Variants in EVL observed in about 807,000 individuals in gnomAD.
EVL encodes Enah/Vasp-like.
A neutral mutation model predicts 59.6 loss-of-function variants in EVL; 21 were observed. The ratio of observed to expected loss-of-function variants is 0.35; its 90% CI spans 0.25 to 0.51. EVL has a LOEUF of 0.51. Ranked by LOEUF, EVL falls within the 20% of genes least tolerant of loss-of-function variation. EVL has a pLI of 0.97. For missense variants in EVL, 462 were observed against 546.6 expected (o/e 0.85, Z 1.54); for synonymous variants, 198 against 203.5 (o/e 0.97, Z 0.23).
At chr14:100,045,155 T>C (rs2061528298) in intron 1 of EVL, among the ~76,000 whole-genome samples, 1 of 152,226 alleles carries the variant, frequency 6.6e-6, no homozygotes, top group African/African-American at 2.4e-5. Flanking sequence ...AGGGTGACGA[T>C]ACAAATAGTG....
chr14:100,046,816 G>A (rs1166965754), intron 1 of EVL, among the ~76,000 whole-genome samples: 12 of 146,228 alleles, frequency 8.2e-5, no homozygotes, highest in African/African-American at 1.8e-4. Context: ...GCAGTGGCGC[G>A]ACCTCGGCTC....
At chr14:99,978,263 A>G (rs1471039791) in intron 1 of EVL, among the ~76,000 whole-genome samples, 1 of 149,928 alleles carries the variant, frequency 6.7e-6, no homozygotes, top group East Asian at 2.0e-4. Flanking sequence ...TTAGCCGGGC[A>G]TGGTGGCGGG....
intron 1 of EVL, among the ~76,000 whole-genome samples, chr14:100,028,584 G>A (rs796567638): frequency 6.6e-5 from 10 of 152,114 alleles, no homozygotes; most frequent in South Asian, 4.1e-4. Context: ...AGGCTGAGGC[G>A]GGTGGATCAT....
intron 1 of EVL, among the ~76,000 whole-genome samples, chr14:100,054,756 A>G (rs2061700784): frequency 6.6e-6 from 1 of 151,992 alleles, no homozygotes; most frequent in East Asian, 1.9e-4. Context: ...GTGGCCCTGC[A>G]TGTTGTGCTG....
chr14:100,121,851 G>T (rs752615157), intron 3 of EVL, among the ~76,000 whole-genome samples: 1 of 152,248 alleles, frequency 6.6e-6, no homozygotes, highest in Non-Finnish European at 1.5e-5. Flanking sequence ...GCGACAGCTG[G>T]TGGAGCCCAA....
At chr14:100,141,151 A>G (rs772913078) in intron 11 of EVL, 29 bp from the exon 12 acceptor site, 1 of 1,611,326 alleles carries the variant, frequency 6.2e-7, no homozygotes. Context: ...GTCTCCAGCC[A>G]GGGCACCCAC....
chr14:100,009,600 A>T (rs1441205710), intron 1 of EVL, among the ~76,000 whole-genome samples: 1 of 152,242 alleles, frequency 6.6e-6, no homozygotes, highest in Non-Finnish European at 1.5e-5. Context: ...TGAAGAAGAC[A>T]TTCTCAGATT....
upstream of EVL, among the ~76,000 whole-genome samples, chr14:100,060,424 C>A (rs2061806196): frequency 7.0e-6 from 1 of 143,836 alleles, no homozygotes. Context: ...GAGCGAGACT[C>A]CGTCTCAAAA....
At chr14:100,136,496 G>A (rs1046594392) in intron 9 of EVL, among the ~76,000 whole-genome samples, 5 of 152,174 alleles carry the variant, frequency 3.3e-5, no homozygotes, top group African/African-American at 4.8e-5. Context: ...ATGAGGCTTC[G>A]CAGGGGAGGA....
At chr14:99,992,242 G>A (rs1000145841) in intron 1 of EVL, among the ~76,000 whole-genome samples, 1 of 151,998 alleles carries the variant, frequency 6.6e-6, no homozygotes, top group Non-Finnish European at 1.5e-5. Flanking sequence ...TTGGTTGTGT[G>A]TATATCTTCT....
chr14:100,044,968 TAAAG>T (rs1566982002), intron 1 of EVL, among the ~76,000 whole-genome samples: 1 of 151,900 alleles, frequency 6.6e-6, no homozygotes. Flanking sequence ...TAAAAATAAA[TAAAG>T]AAATAAATAC....
rs1477915585 is a variant in EVL, at chr14:100,050,352, TA to T, written c.6-34334del. ...AATTTGTGTATTTCATTTATTTATT[TA>T]TTTATTTATTTTTTTTTAGACAGTC... On this transcript the variant is annotated intron_variant, in intron 1 of 13. Coordinates refer to the EVL transcript ENST00000402714. Among the ~76,000 whole-genome samples the T allele has an allele frequency of 3.7e-3, 108 of 28,938 alleles. 1 individual carries two copies. Among genetic ancestry groups the T allele is most frequent in the Middle Eastern group, 0.04 (2 of 50 alleles). The allele number at this position is 28,938 out of a possible 152,430, so 19.0% of individuals were successfully genotyped here.
At chr14:100,009,430 TCTC>T (rs1298779630) in intron 1 of EVL, among the ~76,000 whole-genome samples, 3 of 152,262 alleles carry the variant, frequency 2.0e-5, no homozygotes, top group African/African-American at 7.2e-5. Flanking sequence ...ACTGGACTAG[TCTC>T]CAGAAATTGC....
chr14:100,064,846 G>A (rs1201133862), upstream of EVL, among the ~76,000 whole-genome samples: 3 of 152,212 alleles, frequency 2.0e-5, no homozygotes, highest in Non-Finnish European at 4.4e-5. Flanking sequence ...GGAAGCTGTG[G>A]TGGCGGTGAG....
chr14:100,122,930 G>C (rs986772777), intron 3 of EVL, among the ~76,000 whole-genome samples: 1 of 152,212 alleles, frequency 6.6e-6, no homozygotes, highest in Non-Finnish European at 1.5e-5. Context: ...AACAAGGGGA[G>C]CAAGGGCAGG....
At chr14:100,105,909 C>T (rs1033112280) in intron 3 of EVL, 1 of 152,224 alleles carries the variant, frequency 6.6e-6, no homozygotes, top group African/African-American at 2.4e-5. Context: ...GTTTGACTGT[C>T]CATGAGCTTC....
At position 100,128,559 on chromosome 14, in the gene EVL, C is replaced by A. The variant is rs773502273; in HGVS notation, c.528C>A (p.Ser176Arg). 2 of 1,610,886 alleles carry A rather than the reference C, an allele frequency of 1.2e-6. No individual in the cohort carries two copies. The highest frequency in any genetic ancestry group is 2.7e-5 in the African/African-American group (2 of 74,814). ...CAGGACATCCTTCATCTGCAGCCAGCGCCCCCGTCTCATGTAGTGGGCCTC... is the reference window on the plus strand; with the variant it reads ...CAGGACATCCTTCATCTGCAGCCAGAGCCCCCGTCTCATGTAGTGGGCCTC... ...LPPGHPSSAA[S>R]APVSCSGPPP... Residue 176 changes from serine (S) to arginine (R), a missense_variant, in exon 6 of 14, where the codon AGC becomes AGA. Transcript: ENST00000392920.
chr14:100,086,910 T>C (rs2140304729), intron 2 of EVL, among the ~76,000 whole-genome samples: 1 of 152,302 alleles, frequency 6.6e-6, no homozygotes, highest in East Asian at 1.9e-4. Context: ...AACCAAGACA[T>C]TAGAGAAAAT....
At chr14:100,107,171 T>G in intron 3 of EVL, 2 of 398,760 alleles carry the variant, frequency 5.0e-6, no homozygotes. Flanking sequence ...TCCAGCAGTT[T>G]TCCATTAAAC....
Sources: allele counts gnomAD v4.1 joint callset (sites outside exome capture counted in the v4.1 genomes callset), GRCh38; gene constraint gnomAD v4.1.1; transcripts MANE v1.5; gene names NCBI Gene and HGNC (gene_info 2026-07-23, HGNC 2026-07-21).